The following TRIM14 variants were observed in gnomAD, a reference collection of about 807,000 sequenced individuals.
TRIM14 encodes the protein tripartite motif containing 14, also known as tripartite motif-containing protein 14.
In TRIM14, 28 loss-of-function variants were observed where a neutral mutation model predicts 44.5. The observed-to-expected ratio is 0.63, with a 90% confidence interval of 0.47 to 0.86. TRIM14 has a LOEUF of 0.86. Among genes scored for constraint, TRIM14 ranks in the 40% least tolerant of loss-of-function variants. The pLI is 0.00. For missense variants in TRIM14, 607 were observed against 611.1 expected (o/e 0.99, Z 0.07); for synonymous variants, 299 against 269.2 (o/e 1.11, Z -1.08).
chr9:98,073,502 G>A (rs1236396858), intron 6 of TRIM14, among the ~76,000 whole-genome samples: 2 of 150,856 alleles, frequency 1.3e-5, no homozygotes, highest in Non-Finnish European at 3.0e-5. Flanking sequence ...CCAGGCTGGT[G>A]TCAAACTCCT....
chr9:98,074,586 G>A (rs1184421304), intron 6 of TRIM14: 3 of 152,324 alleles, frequency 2.0e-5, no homozygotes, highest in East Asian at 3.9e-4. Flanking sequence ...GGCTCCCCAG[G>A]AGGCGGCAAA....
intron 3 of TRIM14, among the ~76,000 whole-genome samples, chr9:98,099,452 CAA>C (rs768209860): frequency 1.9e-4 from 7 of 36,832 alleles, no homozygotes; most frequent in Non-Finnish European, 2.3e-4. Context: ...AACTCCATCT[CAA>C]AAAAAAAAAA....
At position 98,095,362 on chromosome 9, in the gene TRIM14, C is replaced by A. The variant is rs1047620786; in HGVS notation, c.538-333G>T. On this transcript the variant is annotated intron_variant, in intron 3 of 5. Transcript: ENST00000341469. The surrounding 1 kb of genome is among the most constrained non-coding windows in gnomAD (Gnocchi z 4.1). ...TGCAGAAGGCAGGGTCAGGCTGACACGGGGCCCTTCCCAGAGAGGCTTCAG... is the reference window on the plus strand; with the variant it reads ...TGCAGAAGGCAGGGTCAGGCTGACAAGGGGCCCTTCCCAGAGAGGCTTCAG... Among the ~76,000 whole-genome samples, 2 of 152,232 alleles carry A rather than the reference C, an allele frequency of 1.3e-5. No homozygotes were observed. Among genetic ancestry groups the A allele is most frequent in the Non-Finnish European group, 2.9e-5 (2 of 68,042 alleles).
intron 3 of TRIM14, among the ~76,000 whole-genome samples, chr9:98,099,418 C>G (rs961705607): frequency 2.7e-5 from 4 of 148,736 alleles, no homozygotes; most frequent in Non-Finnish European, 4.4e-5. Context: ...CACCACTGTA[C>G]TCCGGCCTGG....
chr9:98,111,785 A>C (rs1250887342), intron 1 of TRIM14, among the ~76,000 whole-genome samples: 3 of 151,932 alleles, frequency 2.0e-5, no homozygotes, highest in Admixed American at 1.3e-4. Flanking sequence ...CTACAAATAC[A>C]AAATTAGCCA....
downstream of TRIM14, chr9:98,080,993 G>T: frequency 6.2e-7 from 1 of 1,614,210 alleles, no homozygotes; most frequent in Non-Finnish European, 8.5e-7. Context: ...AGAACTGGCC[G>T]AGCTGGTGCG....
intron 6 of TRIM14, among the ~76,000 whole-genome samples, chr9:98,070,641 A>G (rs1168650006): frequency 6.6e-6 from 1 of 151,930 alleles, no homozygotes. Context: ...GCTGGTCTCA[A>G]ACTCCCGACC....
chr9:98,101,999 CTT>C (rs1196611065), intron 2 of TRIM14, among the ~76,000 whole-genome samples: 1 of 132,128 alleles, frequency 7.6e-6, no homozygotes, highest in East Asian at 2.2e-4. Context: ...CAATGCAAGA[CTT>C]TGACTCAAAA....
At chr9:98,072,882 C>T (rs1187465498) in intron 6 of TRIM14, among the ~76,000 whole-genome samples, 6 of 152,162 alleles carry the variant, frequency 3.9e-5, no homozygotes, top group Admixed American at 2.6e-4. Context: ...ATTTTCTCCA[C>T]ACTGTATGCT....
chr9:98,092,030 C>T, intron 4 of TRIM14, 29 bp from the exon 5 acceptor site: 1 of 1,549,596 alleles, frequency 6.5e-7, no homozygotes, highest in South Asian at 1.2e-5. Flanking sequence ...AAATGAGCGC[C>T]CGGAGCTTAT....
chr9:98,113,196 T>C (rs1826923277), intron 1 of TRIM14, among the ~76,000 whole-genome samples: 1 of 151,284 alleles, frequency 6.6e-6, no homozygotes, highest in African/African-American at 2.4e-5. Context: ...AGCACACTCA[T>C]GTAAGGCCAG....
At position 98,073,505 on chromosome 9, in the gene TRIM14, A is replaced by G. The variant is rs140062462; in HGVS notation, c.*29-3818T>C. 6.4e-3 allele frequency among the ~76,000 whole-genome samples: 960 copies of G among 150,958 alleles called. 6 individuals are homozygous for G. The highest frequency in any genetic ancestry group is 0.022 in the African/African-American group (907 of 41,200). ...TCACCATGTTGGCCAGGCTGGTGTC[A>G]AACTCCTGACCTCGTGATCTGCCCG... On this transcript the variant is annotated intron_variant, in intron 6 of 6. Transcript: ENST00000375098.
chr9:98,099,665 T>G (rs1420101185), intron 3 of TRIM14, among the ~76,000 whole-genome samples: 1 of 152,136 alleles, frequency 6.6e-6, no homozygotes, highest in Non-Finnish European at 1.5e-5. Flanking sequence ...TGGTGAATAT[T>G]AGTGCTAAAC....
chr9:98,059,259 G>A, the TRIM14 span, among the ~76,000 whole-genome samples: 2 of 152,144 alleles, frequency 1.3e-5, no homozygotes, highest in Middle Eastern at 6.8e-3. Flanking sequence ...TCCTGACCTC[G>A]TGATCTGCCC....
chr9:98,042,381 A>T, the TRIM14 span, among the ~76,000 whole-genome samples: 1 of 152,040 alleles, frequency 6.6e-6, no homozygotes, highest in African/African-American at 2.4e-5. Flanking sequence ...TTAGATCTCA[A>T]ATTATATGAC....
In TRIM14 at chr9:98,088,023, A is replaced by C. The variant is rs766896288; in HGVS notation, c.794-18T>G. On this transcript the variant is annotated intron_variant, in intron 5 of 5. Coordinates refer to ENST00000341469, the MANE Select transcript of TRIM14 (RefSeq NM_014788.4). Reference sequence around the variant, plus strand: ...GCGCGCGTCTGCAGGGGGCGAGACAAGGGACGCACCTGGTGGGCGGGGCCA... The same window carrying C: ...GCGCGCGTCTGCAGGGGGCGAGACACGGGACGCACCTGGTGGGCGGGGCCA... 2.7e-6 allele frequency: 4 copies of C among 1,493,896 alleles called. No individual in the cohort carries two copies. The highest frequency in any genetic ancestry group is 3.5e-6 in the Non-Finnish European group (4 of 1,135,528). The allele number at this position is 1,493,896 out of a possible 1,614,324, so 92.5% of individuals were successfully genotyped here.
At chr9:98,103,578 C>G (rs1826482414) in intron 2 of TRIM14, among the ~76,000 whole-genome samples, 1 of 152,076 alleles carries the variant, frequency 6.6e-6, no homozygotes, top group Non-Finnish European at 1.5e-5. Flanking sequence ...GTGGCTCACG[C>G]CTGTAATTCC....
rs1252418795 is a variant in TRIM14 at position 98,087,914 on chromosome 9, G to A, written c.885C>T (p.Gly295=). 3.2e-5 allele frequency: 50 copies of A among 1,566,436 alleles called. No individual in the cohort carries two copies. The highest frequency in any genetic ancestry group is 4.2e-5 in the Non-Finnish European group (49 of 1,166,508). The change falls in exon 6 of 6, where the codon GGC becomes GGT. Residue 295 remains glycine (G), a synonymous_variant. Transcript: ENST00000341469. ...GCAGCACGGGCACGGGCCCCAGGCT[G>A]CCCAGCAGGCCGCAGCGCACCGTCA... ...DRLTVRCGLL[G]SLGPVPVLRF...
At chr9:98,109,262 GAGGATGAAAGGGGGAGGGAGCAAC>G (rs1167231671) in intron 2 of TRIM14, among the ~76,000 whole-genome samples, 14,266 of 150,370 alleles carry the variant, frequency 0.095, 2,054 homozygotes, top group African/African-American at 0.32. Flanking sequence ...GGGAGCAACA[GAGGATGAAAGGGGGAGGGAGCAAC>G]AGGATGAAAG....
Sources: gnomAD v4.1 joint callset for allele counts (sites outside exome capture counted in the v4.1 genomes callset) on GRCh38, gnomAD v4.1.1 for gene constraint, Gnocchi (gnomAD v3.1) non-coding constraint, MANE v1.5 for transcripts, NCBI Gene and HGNC (gene_info 2026-07-23, HGNC 2026-07-21) for gene names.